The following ZNF518A variants were observed in gnomAD, a reference collection of about 807,000 sequenced individuals.
ZNF518A encodes the protein zinc finger protein 518.
A neutral mutation model predicts 102.7 loss-of-function variants in ZNF518A; 47 were observed. The ratio of observed to expected loss-of-function variants is 0.46; its 90% CI spans 0.36 to 0.58. The LOEUF is 0.58. ZNF518A is among the 20% of genes least tolerant of loss of function. The pLI, the probability that ZNF518A is intolerant of heterozygous loss-of-function variation, is 0.00. For missense variants in ZNF518A, 1,793 were observed against 1,699.8 expected, an observed-to-expected ratio of 1.05 and a Z score of -0.96; for synonymous variants, 652 against 594.6, an observed-to-expected ratio of 1.10 and a Z score of -1.40.
At chr10:96,175,468 C>G (rs956331310) in intron 1 of ZNF518A, among the ~76,000 whole-genome samples, 3 of 152,088 alleles carry the variant, frequency 2.0e-5, no homozygotes, top group Non-Finnish European at 1.5e-5. Context: ...GGATAAGATG[C>G]TGACGTGGAG....
In ZNF518A at chr10:96,156,751, C is replaced by T. The variant is rs782602899; in HGVS notation, c.429C>T (p.His143=). 293 of 1,613,892 alleles carry T rather than the reference C, an allele frequency of 1.8e-4. 3 individuals carry two copies. In the Middle Eastern group the frequency reaches 8.6e-3, roughly 47 times the overall value. ...NDLQKHFQMW[H]HGELPSYPCE... ...TGCAGAAACACTTTCAAATGTGGCA[C>T]CATGGCGAATTACCTTCATATCCTT... The change falls in exon 6 of 6, where the codon CAC becomes CAT. Residue 143 remains histidine, a synonymous_variant. Transcript: ENST00000316045.
chr10:96,138,043 A>C (rs1328795906), intron 3 of ZNF518A, among the ~76,000 whole-genome samples: 1 of 152,166 alleles, frequency 6.6e-6, no homozygotes, highest in African/African-American at 2.4e-5. Context: ...CAGAGAAAGC[A>C]TATCAGGATA....
At chr10:96,180,000 T>C (rs1554891871) in intron 1 of ZNF518A, among the ~76,000 whole-genome samples, 1 of 151,692 alleles carries the variant, frequency 6.6e-6, no homozygotes, top group East Asian at 1.9e-4. Flanking sequence ...TTATTTGGCC[T>C]CCTGAGTACC....
intron 3 of ZNF518A, among the ~76,000 whole-genome samples, chr10:96,149,929 T>G (rs994833767): frequency 2.0e-5 from 3 of 152,176 alleles, no homozygotes; most frequent in Non-Finnish European, 4.4e-5. Context: ...ATATGGGAGC[T>G]TTTCTGGATG....
At chr10:96,188,717 C>A (rs1008683923) in intron 1 of ZNF518A, among the ~76,000 whole-genome samples, 4 of 152,136 alleles carry the variant, frequency 2.6e-5, no homozygotes, top group Non-Finnish European at 5.9e-5. Context: ...AGAAAAAAAA[C>A]CTTTCCATAC....
At chr10:96,133,864 A>G (rs1457588447) in intron 3 of ZNF518A, among the ~76,000 whole-genome samples, 1 of 152,198 alleles carries the variant, frequency 6.6e-6, no homozygotes. Flanking sequence ...ATGTACATTG[A>G]GTAGAGAGCA....
At position 96,157,240 on chromosome 10, in the gene ZNF518A, G is replaced by T. The variant is rs1554883148; in HGVS notation, c.918G>T (p.Lys306Asn). Residue 306 changes from lysine to asparagine, a missense_variant, in exon 6 of 6, where the codon AAG becomes AAT. Around this residue, in one of 3 missense-constraint regions of ZNF518A, gnomAD observed 1,741 missense variants for 1,622.6 expected, o/e 1.07. Coordinates refer to ENST00000316045, the MANE Select transcript of ZNF518A (RefSeq NM_001330736.2). Reference sequence around the variant, plus strand: ...ACAAATATGAAAAAAGAATGGCAAAGACTTCTGCAGGACTTAAGCTAATAC... The same window carrying T: ...ACAAATATGAAAAAAGAATGGCAAATACTTCTGCAGGACTTAAGCTAATAC... ...EKDKYEKRMA[K>N]TSAGLKLILK... 6.2e-7 allele frequency: 1 copy of T among 1,609,790 alleles called. No individual in the cohort carries two copies. Among genetic ancestry groups the T allele is most frequent in the African/African-American group, 1.3e-5 (1 of 74,764 alleles).
At chr10:96,198,032 A>G (rs920330254) in intron 1 of ZNF518A, among the ~76,000 whole-genome samples, 3 of 151,926 alleles carry the variant, frequency 2.0e-5, no homozygotes, top group Non-Finnish European at 2.9e-5. Context: ...AAAAATTACG[A>G]ACAAAAGATG....
chr10:96,178,928 C>T, intron 1 of ZNF518A, among the ~76,000 whole-genome samples: 1 of 152,106 alleles, frequency 6.6e-6, no homozygotes, highest in South Asian at 2.1e-4. Flanking sequence ...AAAACCTTCA[C>T]ACGAAGAAAG....
chr10:96,197,136 T>C, intron 1 of ZNF518A: 1 of 1,260,826 alleles, frequency 7.9e-7, no homozygotes. Context: ...AAAAATCATT[T>C]TGTGAAGAAC....
Position 96,156,598 on chromosome 10 carries a change from T to G in ZNF518A, c.276T>G (p.Cys92Trp), listed in dbSNP as rs199674343. The change falls in exon 6 of 6, where the codon TGT (cysteine) becomes TGG (tryptophan). Residue 92 changes from cysteine to tryptophan, a missense_variant. Around this residue, in one of 3 missense-constraint regions of ZNF518A, gnomAD observed 1,741 missense variants for 1,622.6 expected, o/e 1.07. Transcript: ENST00000316045. ...RKSISIKTVSCVEECTLLHKS... is the reference protein window; with the variant it reads ...RKSISIKTVSWVEECTLLHKS... ...CTATCAGTATAAAGACTGTAAGCTG[T>G]GTAGAGGAGTGTACATTGCTTCATA... 243 of 1,613,816 alleles carry G rather than the reference T, an allele frequency of 1.5e-4. 2 individuals carry two copies. The South Asian group carries it at 2.1e-3, about 14-fold the overall frequency.
intron 3 of ZNF518A, among the ~76,000 whole-genome samples, chr10:96,148,107 T>C (rs2082252756): frequency 6.6e-6 from 1 of 152,210 alleles, no homozygotes; most frequent in South Asian, 2.1e-4. Context: ...TGGCATCCTG[T>C]TCTTATTTCT....
At chr10:96,201,025 C>G in intron 1 of ZNF518A, 2 of 1,614,102 alleles carry the variant, frequency 1.2e-6, no homozygotes, top group Non-Finnish European at 1.7e-6. Flanking sequence ...GGGTAGGGGC[C>G]CATCCACAGT....
chr10:96,163,898 AAG>A (rs782493516), downstream of ZNF518A: 2 of 165,296 alleles, frequency 1.2e-5, no homozygotes, highest in Admixed American at 1.3e-4. Context: ...ACCTGTGTAA[AAG>A]AGCTACAAAG....
intron 2 of ZNF518A, 33 bp downstream of exon 2, chr10:96,132,703 G>A (rs2081398707): frequency 6.6e-6 from 1 of 151,978 alleles, no homozygotes; most frequent in Admixed American, 6.5e-5. Context: ...GGAGTATATA[G>A]TCTATTAAGT....
chr10:96,199,522 A>AG (rs1554895533), intron 1 of ZNF518A: 1 of 461,318 alleles, frequency 2.2e-6, no homozygotes, highest in East Asian at 6.7e-5. Context: ...AGGGCAGTGG[A>AG]GGCTGTGGGT....
intron 3 of ZNF518A, among the ~76,000 whole-genome samples, chr10:96,150,742 C>T (rs140628596): frequency 2.3e-3 from 33 of 14,442 alleles, no homozygotes; most frequent in East Asian, 3.6e-3. Context: ...TTCTTTCTTT[C>T]CTTTTTTTTT....
At position 96,159,714 on chromosome 10, in the gene ZNF518A, T is replaced by C. The variant is rs782561390; in HGVS notation, c.3392T>C (p.Ile1131Thr). The C allele has an allele frequency of 4.3e-6, 7 of 1,613,150 alleles. No homozygotes were observed. Among genetic ancestry groups the C allele is most frequent in the East Asian group, 2.2e-5 (1 of 44,896 alleles). Residue 1131 changes from isoleucine to threonine, a missense_variant, in exon 6 of 6, where the codon ATA becomes ACA. By Grantham distance (89) the Ile-to-Thr change is moderately conservative. Around this residue, in one of 3 missense-constraint regions of ZNF518A, gnomAD observed 1,741 missense variants for 1,622.6 expected, o/e 1.07. Transcript: ENST00000316045. ...KLVQNSTYQN[I>T]QPKKPEGTPQ... Reference sequence around the variant, plus strand: ...GTCCAAAATAGTACTTATCAAAATATACAGCCAAAGAAACCTGAAGGAACA... The same window carrying C: ...GTCCAAAATAGTACTTATCAAAATACACAGCCAAAGAAACCTGAAGGAACA...
At chr10:96,165,968 T>C (rs782806923), downstream of ZNF518A, among the ~76,000 whole-genome samples, 2 of 152,090 alleles carry the variant, frequency 1.3e-5, no homozygotes, top group Non-Finnish European at 2.9e-5. Flanking sequence ...CCAGGAAAAC[T>C]GGTGGTGTAA....
Sources: allele counts gnomAD v4.1 joint callset (sites outside exome capture counted in the v4.1 genomes callset), GRCh38; gene constraint gnomAD v4.1.1; regional missense constraint gnomAD v4.1.1; transcripts MANE v1.5; gene names NCBI Gene and HGNC (gene_info 2026-07-23, HGNC 2026-07-21).